CNTNAP1: variants seen among roughly 807,000 people sequenced by gnomAD.
The protein encoded by CNTNAP1 is contactin associated protein 1, also known as contactin-associated protein 1.
CNTNAP1 carries 80 observed loss-of-function variants against 161.5 expected under a neutral mutation model. That is an observed-to-expected ratio of 0.50 (90% CI 0.41 to 0.60). The LOEUF (loss-of-function observed/expected upper bound fraction) is 0.60, where lower values mean the gene tolerates loss of function less well. CNTNAP1 is among the 20% of genes least tolerant of loss of function. The probability of loss-of-function intolerance (pLI) is 0.00; values close to 1 mark genes in which losing one functional copy is unlikely to be tolerated. For synonymous variants in CNTNAP1, 695 were observed against 733.1 expected (o/e 0.95, Z 0.84); for missense variants, 1,464 against 1,854.8 (o/e 0.79, Z 3.87).
intron 6 of CNTNAP1, among the ~76,000 whole-genome samples, chr17:42,686,476 T>TTTTGTTTTG (rs1555642223): frequency 1.7e-5 from 2 of 116,954 alleles, no homozygotes; most frequent in Non-Finnish European, 3.2e-5. Context: ...CCTGTTTTTT[T>TTTTGTTTTG]TTTTTTTTTT....
In CNTNAP1 at chr17:42,695,582, C is replaced by T. The variant is rs369443412; in HGVS notation, c.3054C>T (p.Arg1018=). ...GCTATAACCTACAGTCAGCGCTGCGCTCTGCAGCCAGGGAGTTCTCCCACA... is the reference window on the plus strand; with the variant it reads ...GCTATAACCTACAGTCAGCGCTGCGTTCTGCAGCCAGGGAGTTCTCCCACA... The part of the protein sequence containing the change: ...WMRYNLQSAL[R]SAAREFSHML... Residue 1018 remains arginine (R), a synonymous_variant, in exon 19 of 24, where the codon CGC becomes CGT. Coordinates refer to ENST00000264638, the MANE Select transcript of CNTNAP1 (RefSeq NM_003632.3). The T allele has an allele frequency of 6.2e-7, 1 of 1,614,144 alleles. No homozygotes were observed.
chr17:42,696,030 C>T lies in CNTNAP1; in HGVS notation c.3352C>T (p.Leu1118Phe). Residue 1118 changes from leucine (L) to phenylalanine (F), a missense_variant, in exon 20 of 24, where the codon CTT (leucine) becomes TTT (phenylalanine). By Grantham distance (22) the Leu-to-Phe change is conservative (BLOSUM62 0). This residue lies in a region of CNTNAP1 where 1,383 missense variants were observed against 1,765.0 expected (regional missense o/e 0.78). Coordinates refer to ENST00000264638, the MANE Select transcript of CNTNAP1 (RefSeq NM_003632.3). ...MAVLIKDDGT[L>F]QLRYQLGTSP... ...TTCTTCTCCCCACCCCACAGGGACCCTTCAGCTGCGATATCAGCTGGGCAC... is the reference window on the plus strand; with the variant it reads ...TTCTTCTCCCCACCCCACAGGGACCTTTCAGCTGCGATATCAGCTGGGCAC... 2 of 1,614,112 alleles carry T rather than the reference C, an allele frequency of 1.2e-6. No individual in the cohort carries two copies. Among genetic ancestry groups the T allele is most frequent in the Non-Finnish European group, 1.7e-6 (2 of 1,180,014 alleles).
chr17:42,689,137 T>A, intron 10 of CNTNAP1, 90 bp downstream of exon 10: 2 of 1,281,412 alleles, frequency 1.6e-6, no homozygotes, highest in Non-Finnish European at 2.1e-6. Flanking sequence ...TAATCTCCCT[T>A]CTCCTTGTCT....
chr17:42,686,786 G>A, intron 6 of CNTNAP1, 117 bp from the exon 7 acceptor site: 1 of 1,252,540 alleles, frequency 8.0e-7, no homozygotes, highest in Non-Finnish European at 1.1e-6. Flanking sequence ...GGAAATGTGT[G>A]TTTTAAGTCT....
In CNTNAP1 at chr17:42,688,847, G is replaced by A. The variant is rs764436282; in HGVS notation, c.1457-29G>A. ...GGAGGGTCTTTGGGGTCTCCCCTGG[G>A]GAGGATCTCACAGGGGTGGTTGCTC... On this transcript the variant is annotated intron_variant, in intron 9 of 23. Transcript: ENST00000264638. 15 of 1,612,982 alleles carry A rather than the reference G, an allele frequency of 9.3e-6. No individual in the cohort carries two copies. The East Asian group carries it at 3.1e-4, about 34-fold the overall frequency.
At position 42,687,075 on chromosome 17, in the gene CNTNAP1, A is replaced by G. The variant is rs377115871; in HGVS notation, c.1044+29A>G. ...AGTGGGCAGGGGGGTCTGGGAGGACAGGATATCAAAGCGTCGTGGAAAGCA... is the reference window on the plus strand; with the variant it reads ...AGTGGGCAGGGGGGTCTGGGAGGACGGGATATCAAAGCGTCGTGGAAAGCA... On this transcript the variant is annotated intron_variant, in intron 7 of 23. Transcript: ENST00000264638. The surrounding 1 kb of genome is among the most constrained non-coding windows in gnomAD (Gnocchi z 4.7). 10 of 1,596,602 alleles carry G rather than the reference A, an allele frequency of 6.3e-6. 1 individual carries two copies. Among genetic ancestry groups the G allele is most frequent in the Middle Eastern group, 1.7e-4 (1 of 5,856 alleles).
intron 6 of CNTNAP1, 45 bp downstream of exon 6, chr17:42,686,186 G>C (rs1466582985): frequency 2.5e-6 from 4 of 1,588,338 alleles, no homozygotes; most frequent in Non-Finnish European, 3.5e-6. Context: ...GTAGATGCTG[G>C]ATGAGTGAGT....
In CNTNAP1 at chr17:42,691,230, G is replaced by T; in HGVS notation, c.2153G>T (p.Gly718Val). 1 of 1,614,192 alleles carries T rather than the reference G, an allele frequency of 6.2e-7. No individual in the cohort carries two copies. The highest frequency in any genetic ancestry group is 2.2e-5 in the East Asian group (1 of 44,886). ...SQPGIQRCAC[G>V]LDRSCVDPAL... ...CCTGGGATCCAGCGCTGTGCCTGTGGTCTGGACCGGAGCTGTGTGGACCCT... is the reference window on the plus strand; with the variant it reads ...CCTGGGATCCAGCGCTGTGCCTGTGTTCTGGACCGGAGCTGTGTGGACCCT... Residue 718 changes from glycine to valine, a missense_variant, in exon 14 of 24, where the codon GGT (glycine) becomes GTT (valine). Around this residue, in one of 3 missense-constraint regions of CNTNAP1, gnomAD observed 1,383 missense variants for 1,765.0 expected, o/e 0.78. Transcript: ENST00000264638. The surrounding 1 kb of genome is among the most constrained non-coding windows in gnomAD (Gnocchi z 4.3).
rs762165875 is a variant in CNTNAP1 at position 42,686,040 on chromosome 17, C to T, written c.799C>T (p.Arg267Trp). 14 of 1,614,114 alleles carry T rather than the reference C, an allele frequency of 8.7e-6. No homozygotes were observed. The highest frequency in any genetic ancestry group is 1.2e-5 in the Non-Finnish European group (14 of 1,180,006). Residue 267 changes from arginine (R) to tryptophan (W), a missense_variant, in exon 6 of 24, where the codon CGG becomes TGG. Physicochemically the swap from Arg to Trp is moderately radical, Grantham distance 101. This residue lies in a region of CNTNAP1 where 1,383 missense variants were observed against 1,765.0 expected (regional missense o/e 0.78). Transcript: ENST00000264638. ...VLNDQHWHYV[R>W]VDRFGRDVNF... ...CAATGACCAGCACTGGCACTATGTG[C>T]GGGTGGACCGATTTGGCCGCGATGT...
chr17:42,688,724 T>A, intron 9 of CNTNAP1, 113 bp downstream of exon 9: 1 of 1,533,174 alleles, frequency 6.5e-7, no homozygotes, highest in Non-Finnish European at 8.9e-7. Context: ...CCTCTTCCCC[T>A]CTGGGGCCTC....
In CNTNAP1 at chr17:42,698,569, A is replaced by G. The variant is rs529061731; in HGVS notation, c.3863-49A>G. 1.9e-4 allele frequency: 260 copies of G among 1,334,904 alleles called. No individual in the cohort carries two copies. In the African/African-American group the frequency reaches 2.7e-3, roughly 14 times the overall value. The allele number at this position is 1,334,904 out of a possible 1,614,324, so 82.7% of individuals were successfully genotyped here. A position where few individuals can be genotyped will look rare whatever the true frequency, so the allele number is the denominator to read the frequency against. ...TGTGTGTGTGTGTGTGTGTGTGTGTATACAGGTGAGATCCCAAAGATCTGA... is the reference window on the plus strand; with the variant it reads ...TGTGTGTGTGTGTGTGTGTGTGTGTGTACAGGTGAGATCCCAAAGATCTGA... On this transcript the variant is annotated intron_variant, in intron 23 of 23. Coordinates refer to ENST00000264638, the MANE Select transcript of CNTNAP1 (RefSeq NM_003632.3).
rs1449492957 is a variant in CNTNAP1, at chr17:42,690,924, C to T, written c.2041C>T (p.Arg681Trp). 11 of 1,614,064 alleles carry T rather than the reference C, an allele frequency of 6.8e-6. No individual in the cohort carries two copies. The highest frequency in any genetic ancestry group is 2.2e-5 in the East Asian group (1 of 44,898). ...GATCGAGTTCTCCTGCTACAATTCC[C>T]GGCTGCTCAACACTGCAGGTTAGGG... ...QWIEFSCYNS[R>W]LLNTAGGYPY... The change falls in exon 13 of 24, where the codon CGG becomes TGG. Residue 681 changes from arginine (R) to tryptophan (W), a missense_variant. Arg to Trp is a moderately radical substitution (Grantham distance 101, BLOSUM62 -3). Transcript: ENST00000264638.
rs1204965712 is a variant in CNTNAP1 at position 42,687,600 on chromosome 17, C to G, written c.1045-120C>G. On this transcript the variant is annotated intron_variant, in intron 7 of 23. Transcript: ENST00000264638. The surrounding 1 kb of genome is among the most constrained non-coding windows in gnomAD (Gnocchi z 4.7). ...GAGGTCACGTCATGGTTGGAGATCTCACCCCCGCCAACACCGAAGGAGGGC... is the reference window on the plus strand; with the variant it reads ...GAGGTCACGTCATGGTTGGAGATCTGACCCCCGCCAACACCGAAGGAGGGC... 3.8e-6 allele frequency: 5 copies of G among 1,328,472 alleles called. No homozygotes were observed. Among genetic ancestry groups the G allele is most frequent in the Non-Finnish European group, 5.2e-6 (5 of 958,052 alleles). 82.3% of individuals were successfully genotyped at this position (1,328,472 alleles called of 1,614,324 possible).
In CNTNAP1 at chr17:42,682,753, C is replaced by T. The variant is rs1204330068; in HGVS notation, c.-77C>T. 3 of 1,456,468 alleles carry T rather than the reference C, an allele frequency of 2.1e-6. No individual in the cohort carries two copies. The East Asian group carries it at 7.4e-5, about 36-fold the overall frequency. 90.2% of individuals were successfully genotyped at this position (1,456,468 alleles called of 1,614,324 possible). On this transcript the variant is annotated 5_prime_UTR_variant, in exon 1 of 24. Transcript: ENST00000264638. ...TCTGCTGCAAACCCCAGGAGGAGAG[C>T]TTGGAGCCCAAGCCAGAACTCGAGC...
Position 42,684,189 on chromosome 17 carries a change from T to A in CNTNAP1, c.323T>A (p.Val108Glu). 1 of 1,613,862 alleles carries A rather than the reference T, an allele frequency of 6.2e-7. No homozygotes were observed. Among genetic ancestry groups the A allele is most frequent in the Non-Finnish European group, 8.5e-7 (1 of 1,179,968 alleles). The stretch of plus-strand genomic sequence containing the variant: ...TACATGCTACTCTACGGCGACCGAG[T>A]GGACAGCTGGACACCGTTCTACCAG... Reference protein sequence around the residue: ...TRYMLLYGDRVDSWTPFYQRG... With the variant: ...TRYMLLYGDREDSWTPFYQRG... Residue 108 changes from valine to glutamate, a missense_variant, in exon 3 of 24, where the codon GTG becomes GAG. This residue lies in a region of CNTNAP1 where 1,383 missense variants were observed against 1,765.0 expected (regional missense o/e 0.78). Coordinates refer to ENST00000264638, the MANE Select transcript of CNTNAP1 (RefSeq NM_003632.3).
chr17:42,683,249 T>A, intron 1 of CNTNAP1: 2 of 660,348 alleles, frequency 3.0e-6, no homozygotes, highest in Non-Finnish European at 4.2e-6. Context: ...AAGGCTGGAC[T>A]TTGGAGCTGG....
intron 9 of CNTNAP1, 112 bp from the exon 10 acceptor site, chr17:42,688,764 T>G (rs1386888712): frequency 1.1e-5 from 17 of 1,515,666 alleles, no homozygotes; most frequent in Middle Eastern, 4.6e-4. Flanking sequence ...CCATCTACAC[T>G]TTGGTTGTAG....
At chr17:42,695,185 T>C (rs1259985110) in intron 18 of CNTNAP1, among the ~76,000 whole-genome samples, 3 of 152,158 alleles carry the variant, frequency 2.0e-5, no homozygotes, top group Admixed American at 2.0e-4. Context: ...GACCTCAAGA[T>C]GATCTGCCTG....
rs1597814297 is a variant in CNTNAP1 at position 42,699,035 on chromosome 17, T to C, written c.*125T>C. 2.9e-5 allele frequency: 18 copies of C among 615,568 alleles called. No individual in the cohort carries two copies. Among genetic ancestry groups the C allele is most frequent in the South Asian group, 1.7e-4 (5 of 28,874 alleles). 38.1% of individuals were successfully genotyped at this position (615,568 alleles called of 1,614,324 possible). A position where few individuals can be genotyped will look rare whatever the true frequency, so the allele number is the denominator to read the frequency against. ...TGCTCATCCAGAGGATATTCCCCCA[T>C]CCCCCCCCCATCAAGTTTGGTGGGC... On this transcript the variant is annotated 3_prime_UTR_variant, in exon 24 of 24. Coordinates refer to ENST00000264638, the MANE Select transcript of CNTNAP1 (RefSeq NM_003632.3).
Sources: allele counts gnomAD v4.1 joint callset (sites outside exome capture counted in the v4.1 genomes callset), GRCh38; gene constraint gnomAD v4.1.1; regional missense constraint gnomAD v4.1.1; non-coding constraint Gnocchi (gnomAD v3.1); transcripts MANE v1.5; gene names NCBI Gene and HGNC (gene_info 2026-07-23, HGNC 2026-07-21).